GPM6A: variants seen among roughly 807,000 people sequenced by gnomAD.
GPM6A encodes the protein neuronal membrane glycoprotein M6-a.
Under a neutral mutation model 32.1 loss-of-function variants are expected in GPM6A, and 7 were observed. That is an observed-to-expected ratio of 0.22 (90% confidence interval 0.12 to 0.41). GPM6A has a LOEUF of 0.41. Among genes scored for constraint, GPM6A ranks in the 10% least tolerant of loss-of-function variants. The probability of loss-of-function intolerance (pLI) is 1.00; values close to 1 mark genes in which losing one functional copy is unlikely to be tolerated. For synonymous variants in GPM6A, 130 were observed against 123.4 expected (o/e 1.05, Z -0.35); for missense variants, 235 against 347.2 (o/e 0.68, Z 2.57).
intron 1 of GPM6A, among the ~76,000 whole-genome samples, chr4:175,765,576 A>G (rs2111220100): frequency 6.6e-6 from 1 of 152,318 alleles, no homozygotes; most frequent in African/African-American, 2.4e-5. Context: ...TGTAATAAAT[A>G]ATTGTTAACT....
At chr4:175,649,499 G>T (rs1741659317) in intron 4 of GPM6A, among the ~76,000 whole-genome samples, 1 of 152,050 alleles carries the variant, frequency 6.6e-6, no homozygotes, top group Admixed American at 6.6e-5. Context: ...TGTTTTTTCA[G>T]TTTAGAATCT....
chr4:175,879,157 T>A lies in GPM6A; in HGVS notation c.-22-66908A>T, dbSNP rs185463668. 3.6e-3 allele frequency among the ~76,000 whole-genome samples: 548 copies of A among 152,262 alleles called. 3 individuals are homozygous for A. The highest frequency in any genetic ancestry group is 0.013 in the African/African-American group (525 of 41,564). ...TTCATTGCCCATATCATTATTAGCATTTTGGTCAAAGCCATTCACCAAGTC... is the reference window on the plus strand; with the variant it reads ...TTCATTGCCCATATCATTATTAGCAATTTGGTCAAAGCCATTCACCAAGTC... On this transcript the variant is annotated intron_variant, in intron 1 of 7. Coordinates refer to the GPM6A transcript ENST00000280187.
chr4:175,772,048 C>T (rs769188099), intron 1 of GPM6A, among the ~76,000 whole-genome samples: 17 of 152,202 alleles, frequency 1.1e-4, no homozygotes, highest in Non-Finnish European at 4.4e-5. Context: ...TTCCATCATT[C>T]TCCTGCTCAG....
chr4:175,822,651 C>CTTTTTTTTTTTT (rs11446115), intron 1 of GPM6A, among the ~76,000 whole-genome samples: 1 of 148,110 alleles, frequency 6.8e-6, no homozygotes, highest in African/African-American at 2.5e-5. Flanking sequence ...TCTTTTCATG[C>CTTTTTTTTTTTT]TTTTTTTTTT....
Position 175,640,170 on chromosome 4 carries a change from T to A in GPM6A, c.643A>T (p.Ile215Phe), listed in dbSNP as rs1243925169. The A allele has an allele frequency of 1.2e-6, 2 of 1,613,580 alleles. No individual in the cohort carries two copies. Among genetic ancestry groups the A allele is most frequent in the Non-Finnish European group, 1.7e-6 (2 of 1,179,708 alleles). The part of the protein sequence containing the change: ...TELNMTFHLF[I>F]VALAGAGAAV... ...GCCCCAGCTCCAGCAAGTGCCACAA[T>A]AAACAAGTGGAAGGTCATGTTCAGC... Residue 215 changes from isoleucine (I) to phenylalanine (F), a missense_variant, in exon 6 of 7, where the codon ATT becomes TTT. Around this residue, in one of 3 missense-constraint regions of GPM6A, gnomAD observed 107 missense variants for 116.7 expected, o/e 0.92. Transcript: ENST00000393658.
At chr4:175,990,649 T>A (rs532238228) in intron 1 of GPM6A, among the ~76,000 whole-genome samples, 1 of 151,950 alleles carries the variant, frequency 6.6e-6, no homozygotes, top group Non-Finnish European at 1.5e-5. Context: ...AGTAGTTTTT[T>A]TTTTTTTTTA....
intron 1 of GPM6A, chr4:175,960,770 T>C (rs1740138790): frequency 6.6e-6 from 1 of 152,216 alleles, no homozygotes; most frequent in Admixed American, 6.5e-5. Context: ...CTGTAAAATA[T>C]GAAAACAAAA....
intron 1 of GPM6A, among the ~76,000 whole-genome samples, chr4:175,889,995 C>G (rs1004629203): frequency 1.3e-5 from 2 of 152,058 alleles, no homozygotes; most frequent in Non-Finnish European, 2.9e-5. Flanking sequence ...GAAAAATAAC[C>G]AAATAATATA....
At chr4:175,900,678 A>G (rs59118777) in intron 1 of GPM6A, among the ~76,000 whole-genome samples, 65,863 of 151,966 alleles carry the variant, frequency 0.43, 14,597 homozygotes, top group Admixed American at 0.52. Context: ...TGGTGGGAAT[A>G]TACACTAGTA....
chr4:175,649,211 G>C (rs1741643370), intron 4 of GPM6A, among the ~76,000 whole-genome samples: 1 of 152,126 alleles, frequency 6.6e-6, no homozygotes, highest in South Asian at 2.1e-4. Flanking sequence ...GACAAATGAA[G>C]TCCATTTATA....
chr4:175,874,353 A>C (rs1363034471), intron 1 of GPM6A, among the ~76,000 whole-genome samples: 2 of 152,230 alleles, frequency 1.3e-5, no homozygotes, highest in African/African-American at 4.8e-5. Flanking sequence ...GCAAAAGCTG[A>C]AAAGGGAACT....
Position 175,895,805 on chromosome 4 carries a change from A to T in GPM6A, c.-22-83556T>A, listed in dbSNP as rs182732247. Among the ~76,000 whole-genome samples, 351 of 152,260 alleles carry T rather than the reference A, an allele frequency of 2.3e-3. 2 individuals carry two copies. Among genetic ancestry groups the T allele is most frequent in the African/African-American group, 7.9e-3 (330 of 41,574 alleles). ...ATATGATGTATGGGTATAATAGTGC[A>T]TTTTTTGTAATTACCTCAAGTTAAA... On this transcript the variant is annotated intron_variant, in intron 1 of 7. Transcript: ENST00000280187.
chr4:175,971,971 C>T (rs1740516410), intron 1 of GPM6A: 1 of 152,142 alleles, frequency 6.6e-6, no homozygotes, highest in African/African-American at 2.4e-5. Flanking sequence ...CTGGGGCATG[C>T]AGCTGAGTAC....
At chr4:176,000,268 C>A (rs763269906) in intron 1 of GPM6A, among the ~76,000 whole-genome samples, 2 of 152,152 alleles carry the variant, frequency 1.3e-5, no homozygotes, top group African/African-American at 4.8e-5. Flanking sequence ...CCACTTCTGG[C>A]AGTAGAAGGA....
chr4:175,639,222 A>G (rs181939410), intron 6 of GPM6A, among the ~76,000 whole-genome samples: 11 of 152,308 alleles, frequency 7.2e-5, no homozygotes, highest in African/African-American at 2.6e-4. Context: ...CCACTCTGAC[A>G]TGGCTAATTA....
intron 1 of GPM6A, among the ~76,000 whole-genome samples, chr4:175,810,420 A>G (rs1304418025): frequency 6.6e-6 from 1 of 152,162 alleles, no homozygotes; most frequent in Non-Finnish European, 1.5e-5. Context: ...GCTTTCCACC[A>G]CTGCTGCTGG....
intron 2 of GPM6A, among the ~76,000 whole-genome samples, chr4:175,677,678 T>C (rs1743450903): frequency 6.6e-6 from 1 of 152,184 alleles, no homozygotes; most frequent in South Asian, 2.1e-4. Flanking sequence ...CTTTTTCCGA[T>C]CATTCTGGTT....
chr4:175,961,963 C>T (rs1740179937), intron 1 of GPM6A: 1 of 497,370 alleles, frequency 2.0e-6, no homozygotes, highest in Admixed American at 3.0e-5. Flanking sequence ...CTCACCCAAC[C>T]TTACCACCAC....
intron 1 of GPM6A, among the ~76,000 whole-genome samples, chr4:175,896,239 A>G (rs1038758570): frequency 6.6e-6 from 1 of 152,128 alleles, no homozygotes; most frequent in Non-Finnish European, 1.5e-5. Flanking sequence ...GTAAGATCCC[A>G]CATCGTTCTG....
Sources: allele counts gnomAD v4.1 joint callset (sites outside exome capture counted in the v4.1 genomes callset), GRCh38; gene constraint gnomAD v4.1.1; regional missense constraint gnomAD v4.1.1; transcripts MANE v1.5; gene names NCBI Gene and HGNC (gene_info 2026-07-23, HGNC 2026-07-21).